AATK: variants seen among roughly 807,000 people sequenced by gnomAD.
AATK encodes the protein serine/threonine-protein kinase LMTK1.
Under a neutral mutation model 114.3 loss-of-function variants are expected in AATK, and 91 were observed. The observed-to-expected ratio is 0.80, with a 90% confidence interval of 0.67 to 0.95. The LOEUF (loss-of-function observed/expected upper bound fraction) is 0.95, where lower values mean the gene tolerates loss of function less well. Among genes scored for constraint, AATK ranks in the 40% least tolerant of loss-of-function variants. AATK has a pLI of 0.00. For missense variants in AATK, 2,176 were observed against 1,965.2 expected, an observed-to-expected ratio of 1.11 and a Z score of -2.03; for synonymous variants, 1,075 against 916.5, an observed-to-expected ratio of 1.17 and a Z score of -3.12.
chr17:81,165,549 C>T, intron 1 of AATK: 1 of 1,025,414 alleles, frequency 9.8e-7, no homozygotes, highest in Non-Finnish European at 1.4e-6. Flanking sequence ...CGCCAGGGCC[C>T]CGGACCCAGG....
chr17:81,143,719 G>A (rs191376351), intron 1 of AATK, among the ~76,000 whole-genome samples: 8 of 152,306 alleles, frequency 5.3e-5, no homozygotes, highest in East Asian at 3.9e-4. Context: ...GGGGCCCCAC[G>A]GTGGGTGGCC....
At position 81,159,834 on chromosome 17, in the gene AATK, C is replaced by G. The variant is rs553864168; in HGVS notation, c.55+6104G>C. ...GTCCCGGACCAGCTCCCCTGCCCCC[C>G]AGCCTGGCTCCCCCAGGCCAGCTGG... is the stretch of plus-strand genomic sequence containing the variant. On this transcript the variant is annotated intron_variant, in intron 1 of 13. Transcript: ENST00000326724. 2.0e-5 allele frequency among the ~76,000 whole-genome samples: 3 copies of G among 152,254 alleles called. No individual in the cohort carries two copies. The South Asian group carries it at 6.2e-4, about 32-fold the overall frequency.
intron 4 of AATK, among the ~76,000 whole-genome samples, chr17:81,128,138 G>A (rs963160118): frequency 2.3e-5 from 3 of 131,106 alleles, no homozygotes; most frequent in South Asian, 2.6e-4. Context: ...AAGGTCCCCC[G>A]CTGCCCTCTC....
intron 7 of AATK, 97 bp from the exon 8 acceptor site, chr17:81,125,111 G>T: frequency 1.1e-6 from 1 of 892,006 alleles, no homozygotes; most frequent in South Asian, 1.7e-5. Context: ...GCCGGGCGGG[G>T]GCATCCAGCA....
Position 81,121,664 on chromosome 17 carries a change from G to T in AATK, c.2272C>A (p.Pro758Thr). Residue 758 changes from proline to threonine, a missense_variant, in exon 11 of 14, where the codon CCC becomes ACC. This residue lies in a region of AATK where 1,701 missense variants were observed against 1,394.7 expected (regional missense o/e 1.22). Transcript: ENST00000326724. ...GTCCAGGAGGGTGTAACCAGGCAGG[G>T]AGCAGGTGCCAGGCCCTGGGCAGAG... ...LCSAQGLAPAPCLVTPSWTET... is the reference protein window; with the variant it reads ...LCSAQGLAPATCLVTPSWTET... 6.7e-7 allele frequency: 1 copy of T among 1,500,144 alleles called. No individual in the cohort carries two copies. 92.9% of individuals were successfully genotyped at this position (1,500,144 alleles called of 1,614,324 possible).
chr17:81,162,190 G>A (rs981034115), intron 1 of AATK, among the ~76,000 whole-genome samples: 5 of 151,986 alleles, frequency 3.3e-5, no homozygotes, highest in Admixed American at 6.6e-5. Flanking sequence ...CGCTCCCCAA[G>A]GCCACTGTCC....
At chr17:81,128,668 A>G in intron 3 of AATK, 119 bp from the exon 4 acceptor site, 1 of 1,498,632 alleles carries the variant, frequency 6.7e-7, no homozygotes, top group Admixed American at 2.1e-5. Flanking sequence ...CTGAGTCCCT[A>G]GCACCAGCTG....
chr17:81,162,772 G>A (rs2061441226), intron 1 of AATK, among the ~76,000 whole-genome samples: 1 of 152,222 alleles, frequency 6.6e-6, no homozygotes, highest in African/African-American at 2.4e-5. Context: ...GTTCAGGTCA[G>A]ACACAGGGAG....
chr17:81,133,881 C>G (rs1406017298), intron 2 of AATK, among the ~76,000 whole-genome samples: 3 of 152,182 alleles, frequency 2.0e-5, no homozygotes, highest in Non-Finnish European at 4.4e-5. Flanking sequence ...ATACCCCGCG[C>G]AAGGTGACTC....
intron 1 of AATK, among the ~76,000 whole-genome samples, chr17:81,143,626 G>A (rs563762164): frequency 1.7e-4 from 26 of 151,792 alleles, no homozygotes; most frequent in Non-Finnish European, 2.8e-4. Context: ...CGACCCCTCT[G>A]GCTTCACAGC....
chr17:81,118,325 T>C lies in AATK; in HGVS notation c.*77A>G. 1 of 1,474,892 alleles carries C rather than the reference T, an allele frequency of 6.8e-7. No individual in the cohort carries two copies. The highest frequency in any genetic ancestry group is 9.2e-7 in the Non-Finnish European group (1 of 1,083,566). 91.4% of individuals were successfully genotyped at this position (1,474,892 alleles called of 1,614,324 possible). A position where few individuals can be genotyped will look rare whatever the true frequency, so the allele number is the denominator to read the frequency against. On this transcript the variant is annotated 3_prime_UTR_variant, in exon 14 of 14. Transcript: ENST00000326724. Reference sequence around the variant, plus strand: ...AGCCACCAGGACGTGGTCCCCACCTTCTCGGTCACCATCCTCGCTGCTGCC... The same window carrying C: ...AGCCACCAGGACGTGGTCCCCACCTCCTCGGTCACCATCCTCGCTGCTGCC...
At chr17:81,149,771 G>C (rs2061271448) in intron 1 of AATK, among the ~76,000 whole-genome samples, 1 of 152,098 alleles carries the variant, frequency 6.6e-6, no homozygotes, top group Non-Finnish European at 1.5e-5. Context: ...TTCGGAGGCA[G>C]GGCCCAAGGC....
In AATK at chr17:81,125,545, G is replaced by A. The variant is rs574844251; in HGVS notation, c.756-531C>T. On this transcript the variant is annotated intron_variant, in intron 7 of 13. Transcript: ENST00000326724. ...CACCACTGGCCCCAGGGTTGGGTAG[G>A]GTCTGGAAAGAATGCAGGTTACGCC... Among the ~76,000 whole-genome samples the A allele has an allele frequency of 1.6e-4, 25 of 152,286 alleles. No homozygotes were observed. The East Asian group carries it at 4.6e-3, about 28-fold the overall frequency.
chr17:81,126,245 T>C lies in AATK; in HGVS notation c.755+182A>G, dbSNP rs957660870. ...AACCTGCAAAGTGGGTGTCAAACCA[T>C]TGTCTTCCCAATTTTTCAAAAACGT... On this transcript the variant is annotated intron_variant, in intron 7 of 13. Transcript: ENST00000326724. The surrounding 1 kb of genome is among the most constrained non-coding windows in gnomAD (Gnocchi z 5.1). Among the ~76,000 whole-genome samples the C allele has an allele frequency of 1.3e-5, 2 of 152,158 alleles. No homozygotes were observed. The highest frequency in any genetic ancestry group is 2.1e-4 in the South Asian group (1 of 4,834).
In AATK at chr17:81,122,795, G is replaced by T; in HGVS notation, c.1141C>A (p.Gln381Lys). The change falls in exon 11 of 14, where the codon CAG (glutamine) becomes AAG (lysine). Residue 381 changes from glutamine (Q) to lysine (K), a missense_variant. By Grantham distance (53) the Gln-to-Lys change is moderately conservative. This residue lies in a region of AATK where 273 missense variants were observed against 344.1 expected (regional missense o/e 0.79). Coordinates refer to ENST00000326724, the MANE Select transcript of AATK (RefSeq NM_001080395.3). ...TCGGCTGTGGGCCGCTGCTCGGGCT[G>T]CAGCCAGCAGAACTGCATCACCTCG... Reference protein sequence around the residue: ...WYEVMQFCWLQPEQRPTAEEV... With the variant: ...WYEVMQFCWLKPEQRPTAEEV... The T allele has an allele frequency of 6.3e-7, 1 of 1,579,752 alleles. No individual in the cohort carries two copies. Among genetic ancestry groups the T allele is most frequent in the Non-Finnish European group, 8.6e-7 (1 of 1,163,618 alleles).
In AATK at chr17:81,122,018, C is replaced by T. The variant is rs772452179; in HGVS notation, c.1918G>A (p.Glu640Lys). Residue 640 changes from glutamate (E) to lysine (K), a missense_variant, in exon 11 of 14, where the codon GAG becomes AAG. By Grantham distance (56) the Glu-to-Lys change is moderately conservative. This residue lies in a region of AATK where 1,701 missense variants were observed against 1,394.7 expected (regional missense o/e 1.22). Transcript: ENST00000326724. The stretch of plus-strand genomic sequence containing the variant: ...AAAGGGGACGTGCCCAGTGGGTCCT[C>T]GAAGAAGGCAGGACAGAAGGCGGCC... ...GVAAFCPAFF[E>K]DPLGTSPLGS... The T allele has an allele frequency of 5.0e-6, 8 of 1,600,756 alleles. No individual in the cohort carries two copies. Among genetic ancestry groups the T allele is most frequent in the African/African-American group, 2.7e-5 (2 of 74,916 alleles).
chr17:81,131,723 C>T (rs34870353), intron 2 of AATK, among the ~76,000 whole-genome samples: 1 of 152,174 alleles, frequency 6.6e-6, no homozygotes, highest in Non-Finnish European at 1.5e-5. Flanking sequence ...TCACCCCGGG[C>T]TGTGCCTGGG....
In AATK at chr17:81,166,156, G is replaced by A; in HGVS notation, c.-164C>T. ...GCAGCCGCAGAGCCCGCACCGGTGG[G>A]GGCGGCGGCGACAGACGAGGCGCTC... On this transcript the variant is annotated 5_prime_UTR_variant, in exon 1 of 14. Transcript: ENST00000326724. 1 of 240,788 alleles carries A rather than the reference G, an allele frequency of 4.2e-6. No homozygotes were observed. Among genetic ancestry groups the A allele is most frequent in the Non-Finnish European group, 6.5e-6 (1 of 153,404 alleles). 14.9% of individuals were successfully genotyped at this position (240,788 alleles called of 1,614,324 possible).
At position 81,159,032 on chromosome 17, in the gene AATK, G is replaced by A. The variant is rs1022418413; in HGVS notation, c.55+6906C>T. On this transcript the variant is annotated intron_variant, in intron 1 of 13. Coordinates refer to ENST00000326724, the MANE Select transcript of AATK (RefSeq NM_001080395.3). The stretch of plus-strand genomic sequence containing the variant: ...CGTCCAGGCCAGGGGCCCAGAGACC[G>A]AGACAGATCGGTGGCTGCCAGGGCT... Among the ~76,000 whole-genome samples, 5 of 152,352 alleles carry A rather than the reference G, an allele frequency of 3.3e-5. No individual in the cohort carries two copies. In the South Asian group the frequency reaches 6.2e-4, roughly 19 times the overall value.
Sources: allele counts gnomAD v4.1 joint callset (sites outside exome capture counted in the v4.1 genomes callset), GRCh38; gene constraint gnomAD v4.1.1; regional missense constraint gnomAD v4.1.1; non-coding constraint Gnocchi (gnomAD v3.1); transcripts MANE v1.5; gene names NCBI Gene and HGNC (gene_info 2026-07-23, HGNC 2026-07-21).